Variants in CADM2 observed in about 807,000 individuals in gnomAD.
CADM2 encodes the protein immunoglobulin superfamily member 4D.
A neutral mutation model predicts 49.8 loss-of-function variants in CADM2; 12 were observed. The ratio of observed to expected loss-of-function variants is 0.24; its 90% CI spans 0.15 to 0.39. The LOEUF is 0.39. Ranked by LOEUF, CADM2 falls within the 10% of genes least tolerant of loss-of-function variation. CADM2 has a pLI of 1.00. For synonymous variants in CADM2, 214 were observed against 175.4 expected, an observed-to-expected ratio of 1.22 and a Z score of -1.74; for missense variants, 378 against 492.3, an observed-to-expected ratio of 0.77 and a Z score of 2.20.
chr3:85,666,183 A>C (rs1416947713), intron 1 of CADM2, among the ~76,000 whole-genome samples: 1 of 152,074 alleles, frequency 6.6e-6, no homozygotes, highest in Non-Finnish European at 1.5e-5. Context: ...ACAACTTACA[A>C]GGGATGTGAA....
At chr3:85,674,747 GC>G (rs1400375126) in intron 1 of CADM2, among the ~76,000 whole-genome samples, 3 of 151,996 alleles carry the variant, frequency 2.0e-5, no homozygotes, top group Non-Finnish European at 4.4e-5. Flanking sequence ...GTATTGATTT[GC>G]CTGAAAAGTT....
intron 1 of CADM2, among the ~76,000 whole-genome samples, chr3:85,160,174 T>C (rs1048581491): frequency 6.6e-6 from 1 of 152,170 alleles, no homozygotes; most frequent in Non-Finnish European, 1.5e-5. Flanking sequence ...CCTTTCTAAA[T>C]GAGGGTTTTC....
chr3:85,877,684 G>GTTTTTTTTTTTTTTTTTTTTTGTTT (rs368101272), intron 3 of CADM2, among the ~76,000 whole-genome samples: 1 of 112,024 alleles, frequency 8.9e-6, no homozygotes, highest in African/African-American at 3.3e-5. Flanking sequence ...TTTTTCTTCT[G>GTTTTTTTTTTTTTTTTTTTTTGTTT]TTTTTTTTTT....
chr3:85,254,305 C>T (rs2042837515), intron 1 of CADM2, among the ~76,000 whole-genome samples: 1 of 152,026 alleles, frequency 6.6e-6, no homozygotes, highest in South Asian at 2.1e-4. Flanking sequence ...AAAGGCACCT[C>T]CATGGGTTCA....
At chr3:85,928,220 A>G (rs1720138505) in intron 6 of CADM2, among the ~76,000 whole-genome samples, 1 of 147,764 alleles carries the variant, frequency 6.8e-6, no homozygotes, top group Non-Finnish European at 1.5e-5. Context: ...GTGCAATGGC[A>G]CGATCTCGGC....
chr3:85,321,389 T>C (rs1450280369), intron 1 of CADM2, among the ~76,000 whole-genome samples: 1 of 151,594 alleles, frequency 6.6e-6, no homozygotes, highest in Non-Finnish European at 1.5e-5. Context: ...TTCGTCATGT[T>C]GGCCAGGCTG....
intron 8 of CADM2, among the ~76,000 whole-genome samples, chr3:85,988,695 T>A (rs1728410416): frequency 6.6e-6 from 1 of 152,180 alleles, no homozygotes. Context: ...TCACCAATAT[T>A]GTTTAAAGAA....
At chr3:85,925,600 C>A (rs1719726542) in intron 6 of CADM2, among the ~76,000 whole-genome samples, 3 of 152,066 alleles carry the variant, frequency 2.0e-5, no homozygotes, top group African/African-American at 7.2e-5. Flanking sequence ...GTATTTTAAC[C>A]CCACTGTTCC....
intron 2 of CADM2, among the ~76,000 whole-genome samples, chr3:85,795,376 G>A (rs979624115): frequency 3.3e-5 from 5 of 152,078 alleles, no homozygotes; most frequent in African/African-American, 1.2e-4. Flanking sequence ...AATTGATTTT[G>A]GAAACCACAT....
chr3:85,444,479 A>G (rs530234721), intron 1 of CADM2, among the ~76,000 whole-genome samples: 2 of 150,714 alleles, frequency 1.3e-5, no homozygotes, highest in Non-Finnish European at 3.0e-5. Flanking sequence ...CCTTGCCCCA[A>G]GCCTTTCAAC....
At chr3:85,999,672 A>T (rs1490396103) in intron 8 of CADM2, among the ~76,000 whole-genome samples, 1 of 151,850 alleles carries the variant, frequency 6.6e-6, no homozygotes, top group Non-Finnish European at 1.5e-5. Flanking sequence ...AAAGAAAGAA[A>T]GAAAAAGAAA....
chr3:85,974,486 C>A (rs1222111699), intron 8 of CADM2, among the ~76,000 whole-genome samples: 3 of 151,736 alleles, frequency 2.0e-5, no homozygotes, highest in Admixed American at 2.0e-4. Flanking sequence ...TAGGAAACCA[C>A]AAAGTTATGG....
At chr3:85,693,894 T>TAAAAAAAAAAA (rs533492777) in intron 1 of CADM2, among the ~76,000 whole-genome samples, 1 of 76,480 alleles carries the variant, frequency 1.3e-5, no homozygotes, top group Non-Finnish European at 2.7e-5. Context: ...AGACTCCCTC[T>TAAAAAAAAAAA]AAAAAAAAAA....
intron 1 of CADM2, among the ~76,000 whole-genome samples, chr3:85,320,685 G>A (rs1249588015): frequency 1.3e-5 from 2 of 152,090 alleles, no homozygotes; most frequent in Non-Finnish European, 2.9e-5. Flanking sequence ...TTAATGCCTT[G>A]TCTTTTCCAA....
intron 1 of CADM2, among the ~76,000 whole-genome samples, chr3:85,516,914 T>A (rs549561565): frequency 3.3e-5 from 5 of 152,190 alleles, no homozygotes; most frequent in African/African-American, 1.2e-4. Flanking sequence ...TATATTTTAC[T>A]CAAATCCTTT....
intron 1 of CADM2, among the ~76,000 whole-genome samples, chr3:85,596,436 A>T (rs1363260637): frequency 6.6e-6 from 1 of 152,128 alleles, no homozygotes; most frequent in Non-Finnish European, 1.5e-5. Flanking sequence ...AACAAAGCAT[A>T]TGCTGTTTAA....
chr3:85,603,043 T>G (rs1348208109), intron 1 of CADM2, among the ~76,000 whole-genome samples: 1 of 151,876 alleles, frequency 6.6e-6, no homozygotes, highest in African/African-American at 2.4e-5. Context: ...ATATCTCTAA[T>G]CATGTTACTT....
At chr3:85,856,443 C>A (rs1399268289) in intron 3 of CADM2, among the ~76,000 whole-genome samples, 5 of 152,130 alleles carry the variant, frequency 3.3e-5, no homozygotes, top group Admixed American at 1.3e-4. Context: ...TATTTAATTA[C>A]CTAAGTTGAT....
intron 5 of CADM2, among the ~76,000 whole-genome samples, chr3:85,887,742 G>C (rs910887686): frequency 2.6e-5 from 4 of 152,062 alleles, no homozygotes; most frequent in African/African-American, 9.7e-5. Context: ...ATTCTGTCAA[G>C]GCTCAGTAAC....
Sources: allele counts gnomAD v4.1 joint callset (sites outside exome capture counted in the v4.1 genomes callset), GRCh38; gene constraint gnomAD v4.1.1; transcripts MANE v1.5; gene names NCBI Gene and HGNC (gene_info 2026-07-23, HGNC 2026-07-21).